ROBO2: variants seen among roughly 807,000 people sequenced by gnomAD.
The protein encoded by ROBO2 is roundabout homolog 2.
ROBO2 carries 53 observed loss-of-function variants against 160.8 expected under a neutral mutation model. The ratio of observed to expected loss-of-function variants is 0.33; its 90% CI spans 0.26 to 0.41. ROBO2 has a LOEUF of 0.41. Ranked by LOEUF, ROBO2 falls within the 10% of genes least tolerant of loss-of-function variation. ROBO2 has a pLI of 1.00. For synonymous variants in ROBO2, 664 were observed against 611.7 expected, an observed-to-expected ratio of 1.09 and a Z score of -1.26; for missense variants, 1,577 against 1,722.4, an observed-to-expected ratio of 0.92 and a Z score of 1.49.
intron 2 of ROBO2, among the ~76,000 whole-genome samples, chr3:77,451,479 G>A (rs889601984): frequency 6.6e-6 from 1 of 151,968 alleles, no homozygotes; most frequent in African/African-American, 2.4e-5. Flanking sequence ...CTATTTTAAC[G>A]AAGGTCCATA....
chr3:76,232,375 C>G (rs1174832048), intron 2 of ROBO2, among the ~76,000 whole-genome samples: 1 of 152,158 alleles, frequency 6.6e-6, no homozygotes, highest in East Asian at 1.9e-4. Flanking sequence ...ACGGTCAATA[C>G]AGATCAACTA....
rs1447469924 is a variant in ROBO2, at chr3:76,203,174, A to G, written c.109+265572A>G. ...AAATCCCCCCCAGATCCACACTGCT[A>G]CCCTCTCCCAACCTACTTTGTACTC... On this transcript the variant is annotated intron_variant, in intron 2 of 26. Coordinates refer to the ROBO2 transcript ENST00000487694. 2.0e-5 allele frequency among the ~76,000 whole-genome samples: 3 copies of G among 152,240 alleles called. No homozygotes were observed. The East Asian group carries it at 5.8e-4, about 29-fold the overall frequency.
At chr3:76,559,385 G>A (rs1031701859) in intron 2 of ROBO2, among the ~76,000 whole-genome samples, 17 of 152,120 alleles carry the variant, frequency 1.1e-4, no homozygotes, top group East Asian at 3.9e-4. Flanking sequence ...GCATTGCAAC[G>A]CAGTGGTGCA....
intron 2 of ROBO2, among the ~76,000 whole-genome samples, chr3:76,659,285 G>A (rs1234829643): frequency 6.7e-6 from 1 of 149,362 alleles, no homozygotes. Flanking sequence ...AGGGGTTGGG[G>A]GAAGGTGAGG....
intron 2 of ROBO2, among the ~76,000 whole-genome samples, chr3:77,196,851 G>T (rs535581126): frequency 1.3e-5 from 2 of 151,992 alleles, no homozygotes; most frequent in African/African-American, 4.8e-5. Context: ...AGATTTAACT[G>T]ATTAGACTCG....
At chr3:77,360,813 T>G (rs878889302) in intron 2 of ROBO2, among the ~76,000 whole-genome samples, 5 of 152,118 alleles carry the variant, frequency 3.3e-5, no homozygotes, top group Admixed American at 3.3e-4. Context: ...TCTTAGCACT[T>G]TCATCTGACC....
chr3:76,396,809 C>G (rs1358150873), intron 2 of ROBO2, among the ~76,000 whole-genome samples: 1 of 151,996 alleles, frequency 6.6e-6, no homozygotes, highest in Non-Finnish European at 1.5e-5. Context: ...AACCACTGCT[C>G]AATGAAATAA....
At chr3:76,049,967 C>T (rs557284846) in intron 2 of ROBO2, among the ~76,000 whole-genome samples, 1 of 152,130 alleles carries the variant, frequency 6.6e-6, no homozygotes, top group East Asian at 1.9e-4. Context: ...TAAATGAGTG[C>T]AGAATGGTTT....
chr3:76,642,925 A>T (rs7627597), intron 2 of ROBO2, among the ~76,000 whole-genome samples: 51,619 of 152,040 alleles, frequency 0.34, 11,047 homozygotes, highest in African/African-American at 0.61. Context: ...TAATAAAATA[A>T]ATAATGACAG....
At chr3:77,080,417 T>C (rs990697815) in intron 1 of ROBO2, among the ~76,000 whole-genome samples, 2 of 152,178 alleles carry the variant, frequency 1.3e-5, no homozygotes, top group Admixed American at 6.5e-5. Flanking sequence ...ATAAATCGAA[T>C]TGAGTCACAA....
At chr3:77,214,970 C>G (rs984694974) in intron 2 of ROBO2, among the ~76,000 whole-genome samples, 6 of 152,130 alleles carry the variant, frequency 3.9e-5, no homozygotes, top group African/African-American at 1.4e-4. Flanking sequence ...GATGGGCTTC[C>G]CTTTGTGGGT....
At chr3:76,733,091 GAGA>G (rs2093660869) in intron 2 of ROBO2, among the ~76,000 whole-genome samples, 4 of 152,192 alleles carry the variant, frequency 2.6e-5, no homozygotes, top group African/African-American at 7.2e-5. Flanking sequence ...GCAATTCTAT[GAGA>G]AGAAGAGAGA....
intron 2 of ROBO2, among the ~76,000 whole-genome samples, chr3:77,013,035 T>A (rs987716476): frequency 6.6e-6 from 1 of 152,156 alleles, no homozygotes; most frequent in Non-Finnish European, 1.5e-5. Flanking sequence ...GAGGAAGTGT[T>A]TCTAAGTATG....
intron 2 of ROBO2, among the ~76,000 whole-genome samples, chr3:76,069,394 T>C (rs7620001): frequency 6.6e-6 from 1 of 151,976 alleles, no homozygotes; most frequent in Non-Finnish European, 1.5e-5. Context: ...TGCTTTTAAA[T>C]TGAATACCAG....
At chr3:76,811,879 TTC>T (rs1576780933) in intron 2 of ROBO2, among the ~76,000 whole-genome samples, 2 of 140,918 alleles carry the variant, frequency 1.4e-5, no homozygotes, top group Admixed American at 7.4e-5. Context: ...CCTTCCTTCC[TTC>T]CTTTTTTGAG....
At chr3:77,392,844 A>G (rs1301151166) in intron 2 of ROBO2, among the ~76,000 whole-genome samples, 1 of 152,178 alleles carries the variant, frequency 6.6e-6, no homozygotes, top group Non-Finnish European at 1.5e-5. Flanking sequence ...AAGTATTATG[A>G]ACTTTGGTCT....
chr3:77,107,041 T>G (rs2072898658), intron 2 of ROBO2, among the ~76,000 whole-genome samples: 1 of 152,110 alleles, frequency 6.6e-6, no homozygotes, highest in African/African-American at 2.4e-5. Flanking sequence ...TTTAGGAAAA[T>G]AAATTTATTT....
chr3:76,011,609 A>G (rs2066196083), intron 2 of ROBO2, among the ~76,000 whole-genome samples: 1 of 152,204 alleles, frequency 6.6e-6, no homozygotes, highest in African/African-American at 2.4e-5. Flanking sequence ...TGCAATGGAC[A>G]CAGAAAAGAT....
At chr3:77,032,939 A>C (rs933505445) in intron 2 of ROBO2, among the ~76,000 whole-genome samples, 5 of 152,186 alleles carry the variant, frequency 3.3e-5, no homozygotes, top group Admixed American at 3.3e-4. Flanking sequence ...TGTGGAAGAA[A>C]GGAAGGAGAG....
Sources: allele counts gnomAD v4.1 joint callset (sites outside exome capture counted in the v4.1 genomes callset), GRCh38; gene constraint gnomAD v4.1.1; transcripts MANE v1.5; gene names NCBI Gene and HGNC (gene_info 2026-07-23, HGNC 2026-07-21).